The following RAPGEF6 variants were observed in gnomAD, a reference collection of about 807,000 sequenced individuals.
RAPGEF6 encodes Rap guanine nucleotide exchange factor 6.
RAPGEF6 carries 56 observed loss-of-function variants against 171.4 expected under a neutral mutation model. The observed-to-expected ratio is 0.33, with a 90% CI of 0.26 to 0.41. The LOEUF is 0.41. Among genes scored for constraint, RAPGEF6 ranks in the 10% least tolerant of loss-of-function variants. The pLI is 1.00. For synonymous variants in RAPGEF6, 692 were observed against 650.1 expected, an observed-to-expected ratio of 1.06 and a Z score of -0.98; for missense variants, 1,674 against 1,921.4, an observed-to-expected ratio of 0.87 and a Z score of 2.41.
chr5:131,559,028 G>A (rs952746537), intron 5 of RAPGEF6, among the ~76,000 whole-genome samples: 9 of 152,012 alleles, frequency 5.9e-5, no homozygotes, highest in Non-Finnish European at 1.3e-4. Context: ...TTACTTTAGA[G>A]GTATATTAAA....
Position 131,505,363 on chromosome 5 carries a change from C to T in RAPGEF6, c.1101+1G>A. The T allele has an allele frequency of 1.9e-6, 3 of 1,613,242 alleles. No homozygotes were observed. Among genetic ancestry groups the T allele is most frequent in the Non-Finnish European group, 2.5e-6 (3 of 1,179,524 alleles). On this transcript the variant is annotated splice_donor_variant, in intron 10 of 27. Transcript: ENST00000509018. LOFTEE classifies it high-confidence loss of function. ...AGACTTGACCAAAGAGATAATCTTA[C>T]CTGACAATCATCTACTTTAGTCCTG...
chr5:131,434,421 C>T (rs1186630875), intron 24 of RAPGEF6, among the ~76,000 whole-genome samples: 1 of 152,030 alleles, frequency 6.6e-6, no homozygotes, highest in African/African-American at 2.4e-5. Flanking sequence ...AAACTTTTTG[C>T]AGAAATGAGG....
intron 16 of RAPGEF6, 106 bp from the exon 17 acceptor site, chr5:131,472,850 T>G: frequency 1.0e-6 from 1 of 973,174 alleles, no homozygotes; most frequent in Non-Finnish European, 1.5e-6. Flanking sequence ...TTCAAAGAGG[T>G]GATTTAAACA....
chr5:131,619,560 A>T (rs1765485347), intron 1 of RAPGEF6, among the ~76,000 whole-genome samples: 1 of 152,206 alleles, frequency 6.6e-6, no homozygotes, highest in Non-Finnish European at 1.5e-5. Flanking sequence ...TAACCACTGA[A>T]ATTACAACGT....
intron 5 of RAPGEF6, among the ~76,000 whole-genome samples, chr5:131,553,025 G>T (rs1452318423): frequency 6.6e-6 from 1 of 152,156 alleles, no homozygotes; most frequent in Non-Finnish European, 1.5e-5. Context: ...ATGATAAACA[G>T]TAACCAAGCA....
At chr5:131,486,531 T>C (rs979938125) in intron 15 of RAPGEF6, among the ~76,000 whole-genome samples, 2 of 152,182 alleles carry the variant, frequency 1.3e-5, no homozygotes, top group Non-Finnish European at 2.9e-5. Context: ...AAACATCTTC[T>C]TCCTTACATT....
intron 4 of RAPGEF6, among the ~76,000 whole-genome samples, chr5:131,578,932 C>A (rs1762761684): frequency 6.6e-6 from 1 of 152,188 alleles, no homozygotes; most frequent in African/African-American, 2.4e-5. Flanking sequence ...CCCATTGTGT[C>A]CGAAATTGGT....
intron 22 of RAPGEF6, among the ~76,000 whole-genome samples, chr5:131,443,056 T>C (rs1481747613): frequency 6.6e-6 from 1 of 152,072 alleles, no homozygotes; most frequent in East Asian, 1.9e-4. Context: ...GTGATTCTCC[T>C]GCCTCAGCCT....
At chr5:131,454,438 G>A (rs1217386649) in intron 20 of RAPGEF6, among the ~76,000 whole-genome samples, 1 of 152,014 alleles carries the variant, frequency 6.6e-6, no homozygotes, top group Non-Finnish European at 1.5e-5. Flanking sequence ...GTAAAAAGGA[G>A]AAAACAGATT....
At position 131,613,914 on chromosome 5, in the gene RAPGEF6, A is replaced by G. The variant is rs570727222; in HGVS notation, c.70-9221T>C. 1.6e-4 allele frequency among the ~76,000 whole-genome samples: 25 copies of G among 152,338 alleles called. No homozygotes were observed. The East Asian group carries it at 4.0e-3, about 25-fold the overall frequency. ...TCAGAAGCTAGTGACACCGAGAAGCAAGAACTGCATAGAATCCGCTTGGGC... is the reference window on the plus strand; with the variant it reads ...TCAGAAGCTAGTGACACCGAGAAGCGAGAACTGCATAGAATCCGCTTGGGC... On this transcript the variant is annotated intron_variant, in intron 1 of 27. Coordinates refer to ENST00000509018, the MANE Select transcript of RAPGEF6 (RefSeq NM_016340.6).
intron 12 of RAPGEF6, among the ~76,000 whole-genome samples, chr5:131,496,080 C>A (rs1756618589): frequency 6.6e-6 from 1 of 152,168 alleles, no homozygotes; most frequent in Non-Finnish European, 1.5e-5. Context: ...GTGGCTCACA[C>A]CTGCAATGCC....
intron 7 of RAPGEF6, among the ~76,000 whole-genome samples, chr5:131,511,102 C>G (rs1757688390): frequency 6.6e-6 from 1 of 152,134 alleles, no homozygotes; most frequent in Non-Finnish European, 1.5e-5. Flanking sequence ...GATTTTTGAA[C>G]TCTATAAAAT....
In RAPGEF6 at chr5:131,583,679, G is replaced by A. The variant is rs1057514393; in HGVS notation, c.281+8704C>T. Among the ~76,000 whole-genome samples, 3 of 152,180 alleles carry A rather than the reference G, an allele frequency of 2.0e-5. No individual in the cohort carries two copies. In the East Asian group the frequency reaches 5.8e-4, roughly 29 times the overall value. ...TTTGCCTCTTAACTCCTGCCTCCCT[G>A]AAATATATAAAACCAAACTGTAGCC... On this transcript the variant is annotated intron_variant, in intron 4 of 27. Transcript: ENST00000509018.
At position 131,498,432 on chromosome 5, in the gene RAPGEF6, A is replaced by C; in HGVS notation, c.1419+11T>G. On this transcript the variant is annotated intron_variant, in intron 12 of 27. Coordinates refer to ENST00000509018, the MANE Select transcript of RAPGEF6 (RefSeq NM_016340.6). The stretch of plus-strand genomic sequence containing the variant: ...GGTTAAAATCACTTTCATGCCCCTT[A>C]TAAAACCAACCTTATCTCTTAAGCT... The C allele has an allele frequency of 6.3e-7, 1 of 1,584,254 alleles. No homozygotes were observed. The highest frequency in any genetic ancestry group is 1.4e-5 in the African/African-American group (1 of 73,834).
intron 1 of RAPGEF6, among the ~76,000 whole-genome samples, chr5:131,624,880 T>C (rs2150037655): frequency 6.6e-6 from 1 of 152,308 alleles, no homozygotes; most frequent in East Asian, 1.9e-4. Flanking sequence ...CCCAGCACTT[T>C]GGGAGGTCGA....
At chr5:131,455,320 G>A (rs992012011) in intron 20 of RAPGEF6, among the ~76,000 whole-genome samples, 14 of 152,164 alleles carry the variant, frequency 9.2e-5, no homozygotes, top group Non-Finnish European at 1.8e-4. Context: ...GTGCAGTGGC[G>A]CCATCTAGGC....
intron 26 of RAPGEF6, among the ~76,000 whole-genome samples, chr5:131,429,860 CTGGCCAACA>C (rs1489970091): frequency 2.2e-4 from 33 of 152,110 alleles, no homozygotes; most frequent in African/African-American, 7.7e-4. Context: ...TGAGACCAGC[CTGGCCAACA>C]TGAAGCCCCA....
At chr5:131,546,703 T>C (rs1426763939) in intron 6 of RAPGEF6, among the ~76,000 whole-genome samples, 1 of 152,170 alleles carries the variant, frequency 6.6e-6, no homozygotes, top group Non-Finnish European at 1.5e-5. Context: ...AATGGAGTAC[T>C]GTGCAGTCAT....
At chr5:131,543,756 A>T (rs147150447) in intron 6 of RAPGEF6, among the ~76,000 whole-genome samples, 3 of 152,290 alleles carry the variant, frequency 2.0e-5, no homozygotes, top group African/African-American at 2.4e-5. Flanking sequence ...ACTTGGCTTG[A>T]TTACTTATCC....
Sources: allele counts gnomAD v4.1 joint callset (sites outside exome capture counted in the v4.1 genomes callset), GRCh38; gene constraint gnomAD v4.1.1; transcripts MANE v1.5; gene names NCBI Gene and HGNC (gene_info 2026-07-23, HGNC 2026-07-21).